The following ARB2A variants were observed in gnomAD, a reference collection of about 807,000 sequenced individuals.
ARB2A encodes the protein cotranscriptional regulator ARB2A.
the ARB2A span, among the ~76,000 whole-genome samples, chr5:93,950,952 A>T: frequency 1.2e-3 from 171 of 141,626 alleles, no homozygotes; most frequent in African/African-American, 4.1e-3. Flanking sequence ...TCAAAAAAAA[A>T]AAAAAATAAA....
the ARB2A span, among the ~76,000 whole-genome samples, chr5:93,745,924 G>A: frequency 6.6e-6 from 1 of 152,086 alleles, no homozygotes; most frequent in Non-Finnish European, 1.5e-5. Context: ...AAAGGCTAAG[G>A]CAGAAGACAA....
chr5:93,947,506 TTC>T, the ARB2A span, among the ~76,000 whole-genome samples: 8 of 70,196 alleles, frequency 1.1e-4, no homozygotes, highest in Non-Finnish European at 1.9e-4. Flanking sequence ...TCACTGTATC[TTC>T]TTTTTATTAT....
the ARB2A span, among the ~76,000 whole-genome samples, chr5:94,081,286 C>A: frequency 6.6e-6 from 1 of 152,102 alleles, no homozygotes; most frequent in East Asian, 1.9e-4. Context: ...TTGAGCAGTT[C>A]CTCAAAATAT....
chr5:94,050,901 A>C, the ARB2A span: 1 of 1,065,024 alleles, frequency 9.4e-7, no homozygotes, highest in Non-Finnish European at 1.3e-6. Flanking sequence ...AGTACAACAA[A>C]GAATGTCTGA....
At chr5:93,869,089 T>C in the ARB2A span, among the ~76,000 whole-genome samples, 1 of 152,206 alleles carries the variant, frequency 6.6e-6, no homozygotes, top group African/African-American at 2.4e-5. Flanking sequence ...TGTATAACTA[T>C]GAGTAAGTCT....
chr5:93,647,909 G>A, the ARB2A span, among the ~76,000 whole-genome samples: 1 of 152,168 alleles, frequency 6.6e-6, no homozygotes, highest in Non-Finnish European at 1.5e-5. Flanking sequence ...TTGGGTGGCT[G>A]AGGTGGGCGG....
chr5:93,775,701 A>C, the ARB2A span, among the ~76,000 whole-genome samples: 1 of 152,214 alleles, frequency 6.6e-6, no homozygotes, highest in Non-Finnish European at 1.5e-5. Context: ...GTTTTCCCAC[A>C]GTCCAGAGTC....
the ARB2A span, among the ~76,000 whole-genome samples, chr5:93,968,237 C>G: frequency 6.6e-6 from 1 of 152,150 alleles, no homozygotes. Context: ...AACATCAGAA[C>G]TAGACTCAGA....
the ARB2A span, among the ~76,000 whole-genome samples, chr5:93,630,297 C>T: frequency 6.6e-5 from 10 of 152,030 alleles, no homozygotes; most frequent in Admixed American, 5.2e-4. Flanking sequence ...GGGGTGTGCA[C>T]GGAGATTGTG....
the ARB2A span, chr5:94,074,555 A>G: frequency 1.1e-6 from 1 of 951,866 alleles, no homozygotes; most frequent in Non-Finnish European, 1.6e-6. Flanking sequence ...TTCTTATTTT[A>G]GATTTGAAAT....
At chr5:93,774,270 A>T in the ARB2A span, among the ~76,000 whole-genome samples, 1 of 152,232 alleles carries the variant, frequency 6.6e-6, no homozygotes, top group Non-Finnish European at 1.5e-5. Flanking sequence ...GCCAATGACT[A>T]ACTCTCCAAC....
chr5:93,787,213 C>A, the ARB2A span, among the ~76,000 whole-genome samples: 2 of 152,024 alleles, frequency 1.3e-5, no homozygotes, highest in Non-Finnish European at 2.9e-5. Context: ...TCCATATATT[C>A]TTGAATTATG....
the ARB2A span, among the ~76,000 whole-genome samples, chr5:93,968,215 A>G: frequency 2.0e-5 from 3 of 152,166 alleles, no homozygotes; most frequent in African/African-American, 7.2e-5. Flanking sequence ...CATGATCTGA[A>G]GAGACAAACC....
the ARB2A span, among the ~76,000 whole-genome samples, chr5:93,963,981 C>T: frequency 7.2e-5 from 11 of 151,880 alleles, no homozygotes; most frequent in South Asian, 6.3e-4. Context: ...AGGGAAGGAG[C>T]AGGGTTATGA....
chr5:93,800,955 G>A, the ARB2A span, among the ~76,000 whole-genome samples: 137,735 of 152,152 alleles, frequency 0.91, 62,808 homozygotes, highest in East Asian at 1. Context: ...TTTGAACTAC[G>A]AACATGTGAA....
the ARB2A span, among the ~76,000 whole-genome samples, chr5:93,838,356 A>C: frequency 1.3e-5 from 2 of 152,098 alleles, no homozygotes; most frequent in Non-Finnish European, 2.9e-5. Flanking sequence ...CCATTGGTAT[A>C]TGTATCTGTT....
the ARB2A span, among the ~76,000 whole-genome samples, chr5:93,624,559 A>G: frequency 6.6e-6 from 1 of 152,212 alleles, no homozygotes; most frequent in Non-Finnish European, 1.5e-5. Flanking sequence ...TCAATTCAGT[A>G]TAAAAGTAAA....
At chr5:93,724,538 T>C in the ARB2A span, among the ~76,000 whole-genome samples, 3 of 152,112 alleles carry the variant, frequency 2.0e-5, no homozygotes, top group Non-Finnish European at 4.4e-5. Flanking sequence ...CTTTAGCTAG[T>C]TAAAATTATG....
At chr5:94,026,884 A>G in the ARB2A span, among the ~76,000 whole-genome samples, 10 of 152,332 alleles carry the variant, frequency 6.6e-5, no homozygotes, top group East Asian at 1.9e-3. Flanking sequence ...CTGAAAATGC[A>G]GGTCTAGTGA....
Sources: allele counts gnomAD v4.1 joint callset (sites outside exome capture counted in the v4.1 genomes callset), GRCh38; gene constraint gnomAD v4.1.1; transcripts MANE v1.5; gene names NCBI Gene and HGNC (gene_info 2026-07-23, HGNC 2026-07-21).